FBXL7: variants seen among roughly 807,000 people sequenced by gnomAD.
The protein encoded by FBXL7 is F-box and leucine rich repeat protein 7.
In FBXL7, 12 loss-of-function variants were observed where a neutral mutation model predicts 38.3. That is an observed-to-expected ratio of 0.31 (90% CI 0.20 to 0.51). FBXL7 has a LOEUF of 0.51. Ranked by LOEUF, FBXL7 falls within the 20% of genes least tolerant of loss-of-function variation. FBXL7 has a pLI of 0.98. For missense variants in FBXL7, 567 were observed against 676.4 expected, an observed-to-expected ratio of 0.84 and a Z score of 1.79; for synonymous variants, 297 against 300.9, an observed-to-expected ratio of 0.99 and a Z score of 0.13.
intron 1 of FBXL7, among the ~76,000 whole-genome samples, chr5:15,538,344 T>C (rs980787541): frequency 1.3e-5 from 2 of 152,234 alleles, no homozygotes; most frequent in African/African-American, 2.4e-5. Flanking sequence ...ACTGATACGA[T>C]ACTATTCTTC....
At chr5:15,556,090 TCTATCTAC>T (rs1364559078) in intron 1 of FBXL7, among the ~76,000 whole-genome samples, 1 of 150,996 alleles carries the variant, frequency 6.6e-6, no homozygotes, top group African/African-American at 2.4e-5. Flanking sequence ...CTATCATCTA[TCTATCTAC>T]CTATCTATCT....
chr5:15,895,944 C>T (rs879582209), intron 2 of FBXL7, among the ~76,000 whole-genome samples: 1 of 151,654 alleles, frequency 6.6e-6, no homozygotes, highest in Non-Finnish European at 1.5e-5. Flanking sequence ...GGCCCGGCCC[C>T]TTTTTCATAC....
Position 15,731,420 on chromosome 5 carries a change from A to G in FBXL7, c.127+115348A>G, listed in dbSNP as rs138260064. On this transcript the variant is annotated intron_variant, in intron 2 of 3. Coordinates refer to ENST00000504595, the MANE Select transcript of FBXL7 (RefSeq NM_012304.5). ...TCCGATCTCCTGAGACCCATTCACT[A>G]TCACAGGAACAGCATGGGAAAGACC... Among the ~76,000 whole-genome samples the G allele has an allele frequency of 4.4e-4, 67 of 152,298 alleles. No individual in the cohort carries two copies. In the East Asian group the frequency reaches 0.012, roughly 28 times the overall value.
chr5:15,824,344 T>C (rs184519469), intron 2 of FBXL7, among the ~76,000 whole-genome samples: 6 of 151,826 alleles, frequency 4.0e-5, no homozygotes, highest in Non-Finnish European at 8.8e-5. Flanking sequence ...ACTGGCAGTT[T>C]CCCAAATGCA....
chr5:15,887,847 G>A (rs1740740891), intron 2 of FBXL7, among the ~76,000 whole-genome samples: 1 of 152,124 alleles, frequency 6.6e-6, no homozygotes, highest in Admixed American at 6.5e-5. Context: ...CAGTAGAGTG[G>A]GGAGGAAAAG....
At chr5:15,501,570 G>A (rs1030634726) in intron 1 of FBXL7, 3 of 985,542 alleles carry the variant, frequency 3.0e-6, no homozygotes, top group Non-Finnish European at 3.6e-6. Flanking sequence ...GGAAGAGACC[G>A]GGTCAGTTTT....
In FBXL7 at chr5:15,653,260, CAGTAGACTTGCT is replaced by C. The variant is rs1741770094; in HGVS notation, c.127+37190_127+37201del. ...ATTCCTGCTGTTGAAAAAATGGTGC[CAGTAGACTTGCT>C]AATGTAGGGTTGCCACAAATCTTCA... On this transcript the variant is annotated intron_variant, in intron 2 of 3. Transcript: ENST00000504595. Among the ~76,000 whole-genome samples the C allele has an allele frequency of 3.3e-5, 5 of 152,184 alleles. No individual in the cohort carries two copies. The South Asian group carries it at 1.0e-3, about 32-fold the overall frequency.
At chr5:15,906,118 C>A (rs1322400054) in intron 2 of FBXL7, among the ~76,000 whole-genome samples, 1 of 151,954 alleles carries the variant, frequency 6.6e-6, no homozygotes. Flanking sequence ...AAATAAAGAT[C>A]ATCGCCAACA....
intron 2 of FBXL7, among the ~76,000 whole-genome samples, chr5:15,893,063 C>T (rs28623428): frequency 1.3e-5 from 2 of 149,370 alleles, no homozygotes; most frequent in Admixed American, 6.8e-5. Context: ...TTGCAGTGAG[C>T]GGAGATCACG....
chr5:15,627,750 C>T (rs1429231562), intron 2 of FBXL7, among the ~76,000 whole-genome samples: 1 of 152,120 alleles, frequency 6.6e-6, no homozygotes, highest in Admixed American at 6.5e-5. Flanking sequence ...CATTTTAGGA[C>T]AAATAATCTG....
At chr5:15,670,823 A>T (rs1045166836) in intron 2 of FBXL7, among the ~76,000 whole-genome samples, 2 of 121,926 alleles carry the variant, frequency 1.6e-5, no homozygotes, top group South Asian at 5.6e-4. Context: ...AATAAAAATA[A>T]AAAAAAAATA....
chr5:15,681,780 T>G (rs1742852625), intron 2 of FBXL7, among the ~76,000 whole-genome samples: 1 of 152,246 alleles, frequency 6.6e-6, no homozygotes, highest in African/African-American at 2.4e-5. Flanking sequence ...GATTTTTTGT[T>G]TATCTCATTT....
intron 1 of FBXL7, among the ~76,000 whole-genome samples, chr5:15,573,616 C>T (rs1304652434): frequency 6.6e-6 from 1 of 152,094 alleles, no homozygotes; most frequent in Admixed American, 6.6e-5. Context: ...TCTTTGTCTT[C>T]CTCAGGAAAA....
intron 2 of FBXL7, among the ~76,000 whole-genome samples, chr5:15,705,373 C>T (rs1056937958): frequency 5.3e-5 from 8 of 152,126 alleles, no homozygotes; most frequent in African/African-American, 1.9e-4. Flanking sequence ...CTCCTGAGGG[C>T]GAGAATCCTA....
intron 2 of FBXL7, among the ~76,000 whole-genome samples, chr5:15,878,848 T>A (rs1215208242): frequency 3.3e-5 from 5 of 152,214 alleles, no homozygotes; most frequent in Admixed American, 1.3e-4. Flanking sequence ...TGCCCTTGGC[T>A]GACCTGAACT....
intron 2 of FBXL7, among the ~76,000 whole-genome samples, chr5:15,689,495 T>G (rs968997801): frequency 4.6e-5 from 7 of 152,276 alleles, no homozygotes; most frequent in Admixed American, 2.0e-4. Context: ...CACATTTTGT[T>G]TCAGGCACTG....
chr5:15,729,118 C>A (rs1299245429), intron 2 of FBXL7, among the ~76,000 whole-genome samples: 1 of 152,134 alleles, frequency 6.6e-6, no homozygotes. Context: ...GAAATGGGAA[C>A]TAGAACACAT....
At chr5:15,660,424 T>G (rs1742022229) in intron 2 of FBXL7, among the ~76,000 whole-genome samples, 1 of 152,248 alleles carries the variant, frequency 6.6e-6, no homozygotes. Flanking sequence ...TGGCGTGGTC[T>G]CGGCTCACTG....
At chr5:15,578,862 G>A (rs1012414254) in intron 1 of FBXL7, among the ~76,000 whole-genome samples, 2 of 152,194 alleles carry the variant, frequency 1.3e-5, no homozygotes, top group Non-Finnish European at 1.5e-5. Context: ...GATTGGATAA[G>A]TGTTTATATA....
Sources: allele counts gnomAD v4.1 joint callset (sites outside exome capture counted in the v4.1 genomes callset), GRCh38; gene constraint gnomAD v4.1.1; transcripts MANE v1.5; gene names NCBI Gene and HGNC (gene_info 2026-07-23, HGNC 2026-07-21).